Variants in NAV2 observed in about 807,000 individuals in gnomAD.
NAV2 encodes helicase, APC down-regulated 1.
Under a neutral mutation model 223.2 loss-of-function variants are expected in NAV2, and 54 were observed. The ratio of observed to expected loss-of-function variants is 0.24; its 90% confidence interval spans 0.19 to 0.30. NAV2 has a LOEUF of 0.30. Ranked by LOEUF, NAV2 falls within the 10% of genes least tolerant of loss-of-function variation. The pLI is 1.00. For missense variants in NAV2, 2,806 were observed against 3,147.5 expected (o/e 0.89, Z 2.60); for synonymous variants, 1,279 against 1,239.3 (o/e 1.03, Z -0.67).
At chr11:20,043,380 C>T (rs1340182490) in intron 12 of NAV2, among the ~76,000 whole-genome samples, 2 of 152,200 alleles carry the variant, frequency 1.3e-5, no homozygotes, top group South Asian at 2.1e-4. Flanking sequence ...CCCTTCCCCT[C>T]GCTAGGGCTC....
chr11:19,406,732 C>T (rs1261805854), intron 1 of NAV2, among the ~76,000 whole-genome samples: 1 of 152,204 alleles, frequency 6.6e-6, no homozygotes, highest in Non-Finnish European at 1.5e-5. Context: ...TTCCCTGCCC[C>T]ATCTCCCTAT....
chr11:19,864,915 C>T (rs2061998959), intron 3 of NAV2, among the ~76,000 whole-genome samples: 1 of 152,154 alleles, frequency 6.6e-6, no homozygotes, highest in African/African-American at 2.4e-5. Flanking sequence ...TCCTGGGTTT[C>T]CCCCTCTACC....
At chr11:20,018,713 C>G (rs1267517281) in intron 11 of NAV2, among the ~76,000 whole-genome samples, 1 of 152,098 alleles carries the variant, frequency 6.6e-6, no homozygotes, top group African/African-American at 2.4e-5. Context: ...CACCTGTGCT[C>G]GAGGAGCTCC....
At chr11:19,603,607 G>A (rs979999670) in intron 1 of NAV2, among the ~76,000 whole-genome samples, 1 of 146,920 alleles carries the variant, frequency 6.8e-6, no homozygotes, top group African/African-American at 2.6e-5. Context: ...ACTCCAGCCT[G>A]GGCAACAGAG....
intron 1 of NAV2, among the ~76,000 whole-genome samples, chr11:19,681,421 C>T (rs1209447624): frequency 3.3e-5 from 5 of 152,118 alleles, no homozygotes; most frequent in Middle Eastern, 3.2e-3. Context: ...ATAGAGTTAG[C>T]GTTTGAACCC....
intron 11 of NAV2, among the ~76,000 whole-genome samples, chr11:19,997,742 C>T (rs192576984): frequency 4.8e-4 from 73 of 152,278 alleles, no homozygotes; most frequent in African/African-American, 1.4e-3. Flanking sequence ...CACCAGGCTG[C>T]CCCATCTCTA....
chr11:19,456,337 C>T (rs900977633), intron 1 of NAV2, among the ~76,000 whole-genome samples: 8 of 152,184 alleles, frequency 5.3e-5, no homozygotes, highest in African/African-American at 1.4e-4. Flanking sequence ...ATTGACTCCT[C>T]GAAGTCCTTC....
chr11:19,411,804 G>A (rs1261852689), intron 1 of NAV2, among the ~76,000 whole-genome samples: 40 of 152,060 alleles, frequency 2.6e-4, no homozygotes, highest in Non-Finnish European at 2.8e-4. Context: ...ATCTCGTTTT[G>A]GTACATCCCC....
Position 20,071,836 on chromosome 11 carries a change from G to A in NAV2, c.4983+3438G>A, listed in dbSNP as rs189196998. 5.9e-3 allele frequency among the ~76,000 whole-genome samples: 892 copies of A among 152,114 alleles called. 7 individuals carry two copies. The highest frequency in any genetic ancestry group is 0.02 in the African/African-American group (849 of 41,476). On this transcript the variant is annotated intron_variant, in intron 22 of 37. Transcript: ENST00000349880. Reference sequence around the variant, plus strand: ...TTCTTTATAAATTTGTTTAAGTTCTGGATATTAGCCCTTTGTCAGATGGAT... The same window carrying A: ...TTCTTTATAAATTTGTTTAAGTTCTAGATATTAGCCCTTTGTCAGATGGAT...
At chr11:19,550,822 T>A (rs1424830809) in intron 1 of NAV2, among the ~76,000 whole-genome samples, 1 of 152,168 alleles carries the variant, frequency 6.6e-6, no homozygotes, top group Non-Finnish European at 1.5e-5. Flanking sequence ...CGCCCACCAG[T>A]GTGCCATGTC....
intron 1 of NAV2, among the ~76,000 whole-genome samples, chr11:19,516,726 G>A (rs998816680): frequency 3.3e-5 from 5 of 152,336 alleles, no homozygotes; most frequent in Middle Eastern, 3.4e-3. Flanking sequence ...CGGCAATAAA[G>A]CCAAGGGACT....
intron 11 of NAV2, among the ~76,000 whole-genome samples, chr11:19,994,552 G>GAAA (rs1166444365): frequency 3.2e-4 from 20 of 62,980 alleles, no homozygotes; most frequent in Non-Finnish European, 3.8e-4. Flanking sequence ...CTGTCTCAAA[G>GAAA]AAAAAAAAAA....
At chr11:19,579,224 T>A (rs992460631) in intron 1 of NAV2, among the ~76,000 whole-genome samples, 2 of 152,210 alleles carry the variant, frequency 1.3e-5, no homozygotes, top group Admixed American at 6.5e-5. Flanking sequence ...GCCTCAGCTG[T>A]CTCAATTGTC....
intron 1 of NAV2, among the ~76,000 whole-genome samples, chr11:19,676,877 T>C (rs1442720126): frequency 2.0e-5 from 3 of 152,172 alleles, no homozygotes; most frequent in Non-Finnish European, 4.4e-5. Flanking sequence ...TAGCATTTGG[T>C]TGGGTCTGGA....
chr11:19,703,487 C>A (rs2049570077), intron 1 of NAV2, among the ~76,000 whole-genome samples: 1 of 152,198 alleles, frequency 6.6e-6, no homozygotes, highest in Non-Finnish European at 1.5e-5. Flanking sequence ...GGTGGCCCTG[C>A]AGGAGCAACC....
intron 1 of NAV2, among the ~76,000 whole-genome samples, chr11:19,644,531 CT>C (rs761516185): frequency 1.2e-4 from 19 of 152,240 alleles, no homozygotes; most frequent in Non-Finnish European, 2.5e-4. Context: ...TCTAATATTG[CT>C]TGTGATCCAA....
Position 19,587,067 on chromosome 11 carries a change from C to T in NAV2, c.75+236040C>T, listed in dbSNP as rs527707243. On this transcript the variant is annotated intron_variant, in intron 1 of 37. Coordinates refer to the NAV2 transcript ENST00000360655. ...GGCCGCTTTGTTTACCTACTCAAGC[C>T]TCAGCAATGGTGGACACCCCTCCCC... is the stretch of plus-strand genomic sequence containing the variant. Among the ~76,000 whole-genome samples the T allele has an allele frequency of 2.6e-5, 4 of 152,348 alleles. No individual in the cohort carries two copies. In the South Asian group the frequency reaches 8.3e-4, roughly 32 times the overall value.
At chr11:20,116,844 T>C (rs1212805246) in intron 37 of NAV2, among the ~76,000 whole-genome samples, 2 of 152,226 alleles carry the variant, frequency 1.3e-5, no homozygotes, top group African/African-American at 4.8e-5. Context: ...GTATTAATCC[T>C]TCTCACTCAT....
chr11:19,601,553 A>C (rs530175990), intron 1 of NAV2, among the ~76,000 whole-genome samples: 6 of 152,270 alleles, frequency 3.9e-5, no homozygotes, highest in Admixed American at 3.3e-4. Context: ...TTGTGGTCCC[A>C]GACATGGTAC....
Sources: allele counts gnomAD v4.1 joint callset (sites outside exome capture counted in the v4.1 genomes callset), GRCh38; gene constraint gnomAD v4.1.1; transcripts MANE v1.5; gene names NCBI Gene and HGNC (gene_info 2026-07-23, HGNC 2026-07-21).